EDEM2: variants seen among roughly 807,000 people sequenced by gnomAD.
The protein encoded by EDEM2 is ER degradation-enhancing alpha-mannosidase-like protein 2.
In EDEM2, 39 loss-of-function variants were observed where a neutral mutation model predicts 64.8. The observed-to-expected ratio is 0.60, with a 90% CI of 0.47 to 0.79. EDEM2 has a LOEUF of 0.79. Among genes scored for constraint, EDEM2 ranks in the 30% least tolerant of loss-of-function variants. EDEM2 has a pLI of 0.00. For synonymous variants in EDEM2, 296 were observed against 291.5 expected, an observed-to-expected ratio of 1.02 and a Z score of -0.16; for missense variants, 609 against 731.3, an observed-to-expected ratio of 0.83 and a Z score of 1.93.
chr20:35,122,746 G>A (rs753951117), intron 9 of EDEM2, among the ~76,000 whole-genome samples: 11 of 152,208 alleles, frequency 7.2e-5, no homozygotes, highest in Non-Finnish European at 1.2e-4. Context: ...CCTCTAAGGA[G>A]TCAAAAGTTG....
At chr20:35,132,830 G>A (rs187495222) in intron 6 of EDEM2, among the ~76,000 whole-genome samples, 12 of 152,180 alleles carry the variant, frequency 7.9e-5, no homozygotes, top group East Asian at 5.8e-4. Flanking sequence ...GAGCCACTGC[G>A]CCCAGCCAAA....
At chr20:35,132,283 T>C (rs906894148) in intron 6 of EDEM2, among the ~76,000 whole-genome samples, 1 of 151,940 alleles carries the variant, frequency 6.6e-6, no homozygotes, top group Non-Finnish European at 1.5e-5. Context: ...ACTTCACCAA[T>C]GTCACTGAGT....
At chr20:35,128,376 C>T (rs2085464430) in intron 7 of EDEM2, among the ~76,000 whole-genome samples, 1 of 148,018 alleles carries the variant, frequency 6.8e-6, no homozygotes, top group Admixed American at 6.8e-5. Context: ...GAGCAAGACT[C>T]TGTCTCCAAA....
In EDEM2 at chr20:35,147,281, C is replaced by T. The variant is rs2085749253; in HGVS notation, c.-23G>A. 4 of 1,495,338 alleles carry T rather than the reference C, an allele frequency of 2.7e-6. No individual in the cohort carries two copies. Among genetic ancestry groups the T allele is most frequent in the Non-Finnish European group, 3.6e-6 (4 of 1,119,064 alleles). The allele number at this position is 1,495,338 out of a possible 1,614,324, so 92.6% of individuals were successfully genotyped here. ...CATAGAGCTCGTGTCCTCTCAGCGC[C>T]CCCGCAGCAGCAGCAGCCACTGCAA... On this transcript the variant is annotated 5_prime_UTR_variant, in exon 1 of 11. Transcript: ENST00000374492.
chr20:35,132,829 C>T (rs1171553653), intron 6 of EDEM2, among the ~76,000 whole-genome samples: 1 of 152,158 alleles, frequency 6.6e-6, no homozygotes, highest in Non-Finnish European at 1.5e-5. Context: ...TGAGCCACTG[C>T]GCCCAGCCAA....
chr20:35,121,424 G>C (rs2085367193), intron 9 of EDEM2, among the ~76,000 whole-genome samples: 1 of 152,174 alleles, frequency 6.6e-6, no homozygotes, highest in Non-Finnish European at 1.5e-5. Context: ...GCAGCAATGT[G>C]AGCGATGAGG....
At chr20:35,118,556 G>C (rs759855512) in intron 10 of EDEM2, 42 bp downstream of exon 10, 2 of 1,612,852 alleles carry the variant, frequency 1.2e-6, no homozygotes, top group Admixed American at 3.3e-5. Flanking sequence ...TTAGCAGCAA[G>C]GGGAGACTCT....
chr20:35,132,936 C>T (rs1396026736), intron 6 of EDEM2, among the ~76,000 whole-genome samples: 3 of 152,078 alleles, frequency 2.0e-5, no homozygotes, highest in Admixed American at 1.3e-4. Flanking sequence ...TGGTTTGTGT[C>T]CCCCCAGGAG....
intron 3 of EDEM2, among the ~76,000 whole-genome samples, chr20:35,143,906 A>G (rs2085692987): frequency 6.7e-6 from 1 of 150,268 alleles, no homozygotes; most frequent in South Asian, 2.1e-4. Context: ...GGTTTCTTTT[A>G]TATCTTTTTT....
chr20:35,140,366 C>A (rs1162606208), intron 4 of EDEM2, among the ~76,000 whole-genome samples: 1 of 152,192 alleles, frequency 6.6e-6, no homozygotes, highest in East Asian at 1.9e-4. Context: ...CAACTGTAAT[C>A]CCAGCTACTC....
chr20:35,145,433 T>C (rs563565618), intron 2 of EDEM2, among the ~76,000 whole-genome samples: 1 of 152,348 alleles, frequency 6.6e-6, no homozygotes, highest in Non-Finnish European at 1.5e-5. Flanking sequence ...CACCCATTAA[T>C]GGGTGATTAA....
At position 35,147,126 on chromosome 20, in the gene EDEM2, C is replaced by T. The variant is rs773471411; in HGVS notation, c.107+26G>A. 4.4e-6 allele frequency: 7 copies of T among 1,594,584 alleles called. No homozygotes were observed. In the Admixed American group the frequency reaches 1.0e-4, roughly 23 times the overall value. On this transcript the variant is annotated intron_variant, in intron 1 of 10. Transcript: ENST00000374492. ...CGGGTTCACGCTTCCCATTCCCCAA[C>T]TGCGAAAGGGCGGGTCACAGTTCAC...
At chr20:35,145,113 G>A (rs574000939) in intron 2 of EDEM2, 95 bp from the exon 3 acceptor site, 105 of 1,220,802 alleles carry the variant, frequency 8.6e-5, no homozygotes, top group Non-Finnish European at 1.2e-4. Flanking sequence ...ACTAAATGAG[G>A]CAAAGTAATG....
intron 7 of EDEM2, 132 bp from the exon 8 acceptor site, chr20:35,126,507 G>A (rs940905142): frequency 1.8e-6 from 2 of 1,113,670 alleles, no homozygotes; most frequent in Admixed American, 2.4e-5. Flanking sequence ...GGCTAGACAA[G>A]AGCATGGATT....
chr20:35,130,666 T>C (rs1000477413), intron 7 of EDEM2, among the ~76,000 whole-genome samples: 3 of 152,180 alleles, frequency 2.0e-5, no homozygotes, highest in African/African-American at 7.2e-5. Flanking sequence ...CAAAATATCG[T>C]ATCTGACTGT....
chr20:35,147,305 A>C lies in EDEM2; in HGVS notation c.-47T>G. 1.4e-6 allele frequency: 2 copies of C among 1,450,488 alleles called. No homozygotes were observed. The highest frequency in any genetic ancestry group is 2.3e-4 in the Middle Eastern group (1 of 4,314). The allele number at this position is 1,450,488 out of a possible 1,614,324, so 89.9% of individuals were successfully genotyped here. ...CCCCCGCAGCAGCAGCAGCCACTGCAACCAGTTCATCCTGGGAGCTGCTGC... is the reference window on the plus strand; with the variant it reads ...CCCCCGCAGCAGCAGCAGCCACTGCCACCAGTTCATCCTGGGAGCTGCTGC... On this transcript the variant is annotated 5_prime_UTR_variant, in exon 1 of 11. Transcript: ENST00000374492.
At chr20:35,134,989 G>T (rs1213519591) in intron 5 of EDEM2, 40 bp from the exon 6 acceptor site, 2 of 1,597,292 alleles carry the variant, frequency 1.3e-6, no homozygotes, top group Non-Finnish European at 1.7e-6. Context: ...CAGGAGCAGG[G>T]GGATAGGGAT....
Position 35,115,872 on chromosome 20 carries a change from G to C in EDEM2, c.1298C>G (p.Thr433Ser). The C allele has an allele frequency of 1.2e-6, 2 of 1,613,922 alleles. No individual in the cohort carries two copies. The highest frequency in any genetic ancestry group is 2.2e-5 in the South Asian group (2 of 91,084). The change falls in exon 11 of 11, where the codon ACT (threonine) becomes AGT (serine). Residue 433 changes from threonine (T) to serine (S), a missense_variant. By Grantham distance (58) the Thr-to-Ser change is moderately conservative. Coordinates refer to ENST00000374492, the MANE Select transcript of EDEM2 (RefSeq NM_018217.3). ...AAACAGGAGGTAGAGGTATTTCACA[G>C]TCTCGGCCAGGAAGAACGACTCCAT... is the stretch of plus-strand genomic sequence containing the variant. ...NRMESFFLAE[T>S]VKYLYLLFDP...
intron 1 of EDEM2, 74 bp from the exon 2 acceptor site, chr20:35,147,009 G>A (rs1044140020): frequency 2.4e-5 from 38 of 1,562,442 alleles, no homozygotes; most frequent in Non-Finnish European, 3.0e-5. Context: ...GATACAGGGC[G>A]GAAAGTGGGA....
Sources: gnomAD v4.1 joint callset for allele counts (sites outside exome capture counted in the v4.1 genomes callset) on GRCh38, gnomAD v4.1.1 for gene constraint, MANE v1.5 for transcripts, NCBI Gene and HGNC (gene_info 2026-07-23, HGNC 2026-07-21) for gene names.